The following UGGT1 variants were observed in gnomAD, a reference collection of about 807,000 sequenced individuals.
UGGT1 encodes UDP-glucose glycoprotein glucosyltransferase 1.
In UGGT1, 107 loss-of-function variants were observed where a neutral mutation model predicts 203.9. The ratio of observed to expected loss-of-function variants is 0.52; its 90% CI spans 0.45 to 0.62. The LOEUF is 0.62. UGGT1 is among the 20% of genes least tolerant of loss of function. UGGT1 has a pLI of 0.00. For missense variants in UGGT1, 1,673 were observed against 1,867.2 expected, an observed-to-expected ratio of 0.90 and a Z score of 1.92; for synonymous variants, 628 against 653.5, an observed-to-expected ratio of 0.96 and a Z score of 0.59.
At chr2:128,166,623 CT>C (rs1216470691) in intron 26 of UGGT1, among the ~76,000 whole-genome samples, 1 of 151,916 alleles carries the variant, frequency 6.6e-6, no homozygotes, top group Non-Finnish European at 1.5e-5. Context: ...TTTTCCTAGT[CT>C]TTTGTCTTTT....
At chr2:128,178,873 G>A (rs1691538472) in intron 34 of UGGT1, among the ~76,000 whole-genome samples, 1 of 152,200 alleles carries the variant, frequency 6.6e-6, no homozygotes, top group African/African-American at 2.4e-5. Context: ...AGATTAGGAG[G>A]TTGACATAGA....
intron 18 of UGGT1, among the ~76,000 whole-genome samples, chr2:128,152,163 AAGACCT>A (rs1690003904): frequency 6.6e-6 from 1 of 151,892 alleles, no homozygotes; most frequent in Non-Finnish European, 1.5e-5. Context: ...TGCTTGAGAG[AAGACCT>A]TTTCCTATTT....
intron 14 of UGGT1, among the ~76,000 whole-genome samples, chr2:128,134,315 T>G (rs1385238374): frequency 1.3e-5 from 2 of 152,174 alleles, no homozygotes; most frequent in Admixed American, 6.5e-5. Flanking sequence ...GGATTACAGG[T>G]GTGAGCCACC....
At chr2:128,172,503 T>C (rs1209362404) in intron 28 of UGGT1, 70 bp from the exon 29 acceptor site, 66 of 1,517,352 alleles carry the variant, frequency 4.3e-5, no homozygotes, top group Non-Finnish European at 5.8e-5. Context: ...TTGTTACCTG[T>C]GTAAGGGCTG....
intron 37 of UGGT1, among the ~76,000 whole-genome samples, chr2:128,183,460 A>G (rs925591945): frequency 1.3e-5 from 2 of 152,254 alleles, no homozygotes; most frequent in Non-Finnish European, 1.5e-5. Context: ...TGGCAAATAC[A>G]GAACAGTAAC....
chr2:128,150,532 C>G (rs1376706858), intron 18 of UGGT1, among the ~76,000 whole-genome samples: 1 of 151,782 alleles, frequency 6.6e-6, no homozygotes, highest in African/African-American at 2.4e-5. Context: ...CTGTACTACT[C>G]ATGATTTCTT....
At chr2:128,176,742 A>G in intron 31 of UGGT1, 72 bp from the exon 32 acceptor site, 1 of 1,386,266 alleles carries the variant, frequency 7.2e-7, no homozygotes, top group Non-Finnish European at 1.0e-6. Flanking sequence ...TGATGGACTC[A>G]GATGCTCTGA....
chr2:128,180,741 C>A, intron 35 of UGGT1, 149 bp from the exon 36 acceptor site: 1 of 703,528 alleles, frequency 1.4e-6, no homozygotes, highest in Non-Finnish European at 2.3e-6. Flanking sequence ...TCTATGTAGT[C>A]ATGAGTGGGT....
chr2:128,096,223 C>A (rs1179873809), intron 1 of UGGT1, among the ~76,000 whole-genome samples: 1 of 152,184 alleles, frequency 6.6e-6, no homozygotes, highest in African/African-American at 2.4e-5. Flanking sequence ...GTAGATGGGA[C>A]AGTTGGCTTG....
chr2:128,130,155 G>A (rs894034327), intron 13 of UGGT1, among the ~76,000 whole-genome samples: 8 of 151,934 alleles, frequency 5.3e-5, no homozygotes, highest in African/African-American at 1.7e-4. Context: ...TTAGCTATTC[G>A]GGAGGCTGAG....
At chr2:128,175,949 A>G (rs1432358283) in intron 31 of UGGT1, among the ~76,000 whole-genome samples, 1 of 152,264 alleles carries the variant, frequency 6.6e-6, no homozygotes, top group Non-Finnish European at 1.5e-5. Context: ...GTAGGGAAAC[A>G]TACATTTAAT....
rs557617798 is a variant in UGGT1 at position 128,140,685 on chromosome 2, A to C, written c.1719+1833A>C. ...CCACTGTTTATTTTATTTTATTAAA[A>C]AATTTTTTTTAGAGACAGGATCTCA... is the stretch of plus-strand genomic sequence containing the variant. On this transcript the variant is annotated intron_variant, in intron 16 of 40. Coordinates refer to ENST00000259253, the MANE Select transcript of UGGT1 (RefSeq NM_020120.4). Among the ~76,000 whole-genome samples, 333 of 152,238 alleles carry C rather than the reference A, an allele frequency of 2.2e-3. 3 individuals carry two copies. Among genetic ancestry groups the C allele is most frequent in the African/African-American group, 7.4e-3 (309 of 41,552 alleles).
chr2:128,123,323 C>A, intron 11 of UGGT1, 77 bp downstream of exon 11: 2 of 1,222,088 alleles, frequency 1.6e-6, no homozygotes, highest in Non-Finnish European at 2.3e-6. Flanking sequence ...TAATCAGCAG[C>A]ATTTAACAGT....
At position 128,135,094 on chromosome 2, in the gene UGGT1, T is replaced by C. The variant is rs151296167; in HGVS notation, c.1583+133T>C. ...CATCACTAATGGCAATTTTATCTTCTGGTCAGTATGAAGCCAGTGTCTTTT... is the reference window on the plus strand; with the variant it reads ...CATCACTAATGGCAATTTTATCTTCCGGTCAGTATGAAGCCAGTGTCTTTT... On this transcript the variant is annotated intron_variant, in intron 15 of 40. Coordinates refer to ENST00000259253, the MANE Select transcript of UGGT1 (RefSeq NM_020120.4). The C allele has an allele frequency of 1.4e-5, 10 of 734,478 alleles. No individual in the cohort carries two copies. In the East Asian group the frequency reaches 2.7e-4, roughly 20 times the overall value. The allele number at this position is 734,478 out of a possible 1,614,324, so 45.5% of individuals were successfully genotyped here.
At chr2:128,112,401 C>A (rs1437051582) in intron 5 of UGGT1, among the ~76,000 whole-genome samples, 2 of 116,330 alleles carry the variant, frequency 1.7e-5, no homozygotes, top group African/African-American at 3.2e-5. Flanking sequence ...GCCTGAGCAA[C>A]AGGAATGAAA....
At chr2:128,135,333 A>G (rs1471667267) in intron 15 of UGGT1, among the ~76,000 whole-genome samples, 2 of 152,254 alleles carry the variant, frequency 1.3e-5, no homozygotes, top group African/African-American at 4.8e-5. Flanking sequence ...CTAAACATAT[A>G]CACAGCCTTT....
intron 17 of UGGT1, among the ~76,000 whole-genome samples, chr2:128,144,865 A>G (rs1449288591): frequency 6.6e-6 from 1 of 152,222 alleles, no homozygotes; most frequent in African/African-American, 2.4e-5. Context: ...TTTTCAGAAA[A>G]TGGCAATTAC....
At chr2:128,115,506 CAAA>C (rs1360578783) in intron 7 of UGGT1, among the ~76,000 whole-genome samples, 4 of 98,208 alleles carry the variant, frequency 4.1e-5, no homozygotes, top group African/African-American at 1.5e-4. Flanking sequence ...AAAAAAAAAA[CAAA>C]AACCCTCAAA....
chr2:128,158,070 T>A (rs1690327923), intron 22 of UGGT1, among the ~76,000 whole-genome samples: 1 of 152,032 alleles, frequency 6.6e-6, no homozygotes, highest in Non-Finnish European at 1.5e-5. Flanking sequence ...GTTCAAGGAG[T>A]GGACCAAATG....
Sources: gnomAD v4.1 joint callset for allele counts (sites outside exome capture counted in the v4.1 genomes callset) on GRCh38, gnomAD v4.1.1 for gene constraint, MANE v1.5 for transcripts, NCBI Gene and HGNC (gene_info 2026-07-23, HGNC 2026-07-21) for gene names.